ASTN2: variants seen among roughly 807,000 people sequenced by gnomAD.
The protein encoded by ASTN2 is astrotactin 2.
A neutral mutation model predicts 139.8 loss-of-function variants in ASTN2; 54 were observed. That is an observed-to-expected ratio of 0.39 (90% CI 0.31 to 0.48). ASTN2 has a LOEUF of 0.48. Among genes scored for constraint, ASTN2 ranks in the 20% least tolerant of loss-of-function variants. The probability of loss-of-function intolerance (pLI) is 0.95; values close to 1 mark genes in which losing one functional copy is unlikely to be tolerated. For missense variants in ASTN2, 1,565 were observed against 1,725.1 expected (o/e 0.91, Z 1.64); for synonymous variants, 756 against 719.5 (o/e 1.05, Z -0.81).
At chr9:117,202,413 T>A (rs936707395) in intron 3 of ASTN2, among the ~76,000 whole-genome samples, 5 of 152,182 alleles carry the variant, frequency 3.3e-5, no homozygotes, top group African/African-American at 4.8e-5. Context: ...GCACAGTAGT[T>A]GATGCAGTTT....
intron 10 of ASTN2, among the ~76,000 whole-genome samples, chr9:116,904,337 A>C (rs981816102): frequency 6.6e-6 from 1 of 152,170 alleles, no homozygotes; most frequent in African/African-American, 2.4e-5. Flanking sequence ...GGGGTAGGAC[A>C]CAGACAGTCT....
At chr9:116,435,652 C>T (rs1013610906) in intron 22 of ASTN2, among the ~76,000 whole-genome samples, 2 of 152,230 alleles carry the variant, frequency 1.3e-5, no homozygotes, top group Non-Finnish European at 2.9e-5. Flanking sequence ...TCTCTCCCTT[C>T]CACCTGGAGG....
chr9:116,997,034 G>A (rs1423873391), intron 7 of ASTN2, among the ~76,000 whole-genome samples: 1 of 152,080 alleles, frequency 6.6e-6, no homozygotes, highest in Non-Finnish European at 1.5e-5. Context: ...AAATACCTGA[G>A]GCTACCTTCT....
At chr9:117,145,445 G>T (rs539611371) in intron 3 of ASTN2, among the ~76,000 whole-genome samples, 1 of 152,210 alleles carries the variant, frequency 6.6e-6, no homozygotes, top group Non-Finnish European at 1.5e-5. Context: ...GGTTTGGCCC[G>T]TGGGATGCCC....
At chr9:117,290,087 G>T (rs760581026) in intron 2 of ASTN2, among the ~76,000 whole-genome samples, 67 of 152,106 alleles carry the variant, frequency 4.4e-4, no homozygotes, top group Non-Finnish European at 8.1e-4. Flanking sequence ...AAGCAATGAG[G>T]GTTGAGAGGT....
At chr9:116,499,206 C>A (rs1849772775) in intron 19 of ASTN2, among the ~76,000 whole-genome samples, 1 of 152,122 alleles carries the variant, frequency 6.6e-6, no homozygotes. Flanking sequence ...CTTTTTATTA[C>A]TAAAATATTA....
chr9:116,640,201 A>G (rs900940772), intron 17 of ASTN2, among the ~76,000 whole-genome samples: 32 of 152,292 alleles, frequency 2.1e-4, no homozygotes, highest in African/African-American at 7.7e-4. Flanking sequence ...AAAGAAAGGA[A>G]TTGAGAAATA....
intron 16 of ASTN2, among the ~76,000 whole-genome samples, chr9:116,714,156 G>C (rs555228361): frequency 2.0e-4 from 31 of 152,258 alleles, no homozygotes; most frequent in African/African-American, 7.5e-4. Flanking sequence ...ATATAAGCTT[G>C]GTGTTCAGCT....
intron 19 of ASTN2, among the ~76,000 whole-genome samples, chr9:116,563,100 G>A (rs886088291): frequency 2.0e-5 from 3 of 152,136 alleles, no homozygotes; most frequent in African/African-American, 7.2e-5. Flanking sequence ...GCCAGGCTGG[G>A]TGCGGTGGCT....
intron 10 of ASTN2, among the ~76,000 whole-genome samples, chr9:116,934,063 G>C (rs947275537): frequency 1.3e-5 from 2 of 148,852 alleles, no homozygotes; most frequent in Non-Finnish European, 3.0e-5. Context: ...CAGGGCACTT[G>C]GGGGCTCAGG....
At chr9:117,016,813 T>TTATA (rs11378164) in intron 6 of ASTN2, among the ~76,000 whole-genome samples, 8,511 of 92,304 alleles carry the variant, frequency 0.092, 356 homozygotes, top group South Asian at 0.19. Flanking sequence ...TATATATGTT[T>TTATA]TATATATATA....
In ASTN2 at chr9:116,993,876, A is replaced by ATATT. The variant is rs1030120382; in HGVS notation, c.1591+14215_1591+14216insAATA. On this transcript the variant is annotated intron_variant, in intron 7 of 22. Transcript: ENST00000313400. ...ATGATATATATATATATATATATATATTTTAACTATATTACTATATATATT... is the reference window on the plus strand; with the variant it reads ...ATGATATATATATATATATATATATATATTTTTTAACTATATTACTATATATATT... 3.3e-3 allele frequency among the ~76,000 whole-genome samples: 466 copies of ATATT among 142,032 alleles called. 4 individuals carry two copies. The highest frequency in any genetic ancestry group is 0.011 in the African/African-American group (431 of 38,842). The allele number at this position is 142,032 out of a possible 152,430, so 93.2% of individuals were successfully genotyped here.
intron 4 of ASTN2, among the ~76,000 whole-genome samples, chr9:117,127,441 T>C (rs952646771): frequency 1.3e-5 from 2 of 152,146 alleles, no homozygotes; most frequent in Admixed American, 1.3e-4. Flanking sequence ...TGGAGAAGGC[T>C]CTTTCTCTCT....
intron 4 of ASTN2, among the ~76,000 whole-genome samples, chr9:117,121,746 A>G (rs10983536): frequency 0.18 from 27,539 of 152,234 alleles, 2,700 homozygotes; most frequent in East Asian, 0.31. Flanking sequence ...TCTGCTGGCT[A>G]TACAGGTTTC....
intron 5 of ASTN2, among the ~76,000 whole-genome samples, chr9:117,053,610 C>A (rs1838976652): frequency 2.0e-5 from 3 of 152,336 alleles, no homozygotes; most frequent in African/African-American, 7.2e-5. Flanking sequence ...CAGCAACATC[C>A]TGGCTCTTCT....
At chr9:116,488,054 G>C (rs1457751874) in intron 19 of ASTN2, among the ~76,000 whole-genome samples, 1 of 152,186 alleles carries the variant, frequency 6.6e-6, no homozygotes, top group Non-Finnish European at 1.5e-5. Flanking sequence ...TGATTGATTA[G>C]TGATGAAGGT....
At chr9:117,346,010 C>CAAAAAAAAAAAAAAAAAAAAAA (rs35773511) in intron 1 of ASTN2, among the ~76,000 whole-genome samples, 2 of 92,352 alleles carry the variant, frequency 2.2e-5, no homozygotes, top group African/African-American at 3.8e-5. Flanking sequence ...AACTAAGAGG[C>CAAAAAAAAAAAAAAAAAAAAAA]AAAAAAAAAA....
chr9:116,692,948 C>A, intron 16 of ASTN2, among the ~76,000 whole-genome samples: 1 of 152,098 alleles, frequency 6.6e-6, no homozygotes, highest in Non-Finnish European at 1.5e-5. Flanking sequence ...GTTGTAAATT[C>A]ATTTACCCAT....
chr9:116,561,014 C>T (rs1406358839), intron 19 of ASTN2, among the ~76,000 whole-genome samples: 4 of 145,970 alleles, frequency 2.7e-5, no homozygotes, highest in South Asian at 4.2e-4. Flanking sequence ...TCTAGATGAA[C>T]TCTGGGTTAG....
Sources: allele counts gnomAD v4.1 joint callset (sites outside exome capture counted in the v4.1 genomes callset), GRCh38; gene constraint gnomAD v4.1.1; transcripts MANE v1.5; gene names NCBI Gene and HGNC (gene_info 2026-07-23, HGNC 2026-07-21).